Variants in BCL2L1 observed in about 807,000 individuals in gnomAD.
The protein encoded by BCL2L1 is BCL2 like 1.
Under a neutral mutation model 18.7 loss-of-function variants are expected in BCL2L1, and 1 was observed. That is an observed-to-expected ratio of 0.05 (90% confidence interval 0.02 to 0.25). The LOEUF (loss-of-function observed/expected upper bound fraction) is 0.25, where lower values mean the gene tolerates loss of function less well. BCL2L1 is among the 10% of genes least tolerant of loss of function. BCL2L1 has a pLI of 1.00. For synonymous variants in BCL2L1, 103 were observed against 122.7 expected (o/e 0.84, Z 1.06); for missense variants, 207 against 304.9 (o/e 0.68, Z 2.39).
chr20:31,676,508 C>T (rs991734408), intron 2 of BCL2L1, among the ~76,000 whole-genome samples: 2 of 152,052 alleles, frequency 1.3e-5, no homozygotes, highest in African/African-American at 4.8e-5. Flanking sequence ...CGATGCCTCC[C>T]GTCATCTCAA....
At position 31,713,226 on chromosome 20, in the gene BCL2L1, C is replaced by T. The variant is rs1313362696; in HGVS notation, c.564+8429G>A. ...CTAACTGACCTCCCTCACAGCCTAG[C>T]CTAGGGTAGGGGGTAATGGCCTGGC... On this transcript the variant is annotated intron_variant, in intron 2 of 2. Transcript: ENST00000307677. 3 of 968,032 alleles carry T rather than the reference C, an allele frequency of 3.1e-6. No homozygotes were observed. The African/African-American group carries it at 5.3e-5, about 17-fold the overall frequency. 60.0% of individuals were successfully genotyped at this position (968,032 alleles called of 1,614,324 possible).
chr20:31,667,633 A>G (rs900612644), intron 2 of BCL2L1, among the ~76,000 whole-genome samples: 4 of 151,740 alleles, frequency 2.6e-5, no homozygotes, highest in Admixed American at 1.3e-4. Context: ...CAGGCATGCC[A>G]TCTCCAGTTG....
intron 2 of BCL2L1, among the ~76,000 whole-genome samples, chr20:31,702,982 T>C (rs1006395424): frequency 6.6e-5 from 10 of 151,284 alleles, no homozygotes; most frequent in Non-Finnish European, 1.5e-4. Flanking sequence ...TTATTCTAAC[T>C]ACAGTGGAAG....
chr20:31,718,227 G>T (rs2061569226), intron 2 of BCL2L1, among the ~76,000 whole-genome samples: 1 of 152,178 alleles, frequency 6.6e-6, no homozygotes, highest in Non-Finnish European at 1.5e-5. Flanking sequence ...GCAGTAATCT[G>T]GCTAAGGGTC....
intron 2 of BCL2L1, among the ~76,000 whole-genome samples, chr20:31,714,038 A>G (rs1019068233): frequency 1.2e-4 from 18 of 152,250 alleles, no homozygotes; most frequent in African/African-American, 4.1e-4. Flanking sequence ...AAGGTGTTAC[A>G]TAAATATAGG....
intron 2 of BCL2L1, among the ~76,000 whole-genome samples, chr20:31,702,373 C>A (rs965818755): frequency 5.9e-5 from 9 of 152,154 alleles, no homozygotes; most frequent in African/African-American, 2.2e-4. Context: ...TGGATCACAC[C>A]TGTAATCCCA....
chr20:31,715,359 C>T (rs2061516961), intron 2 of BCL2L1, among the ~76,000 whole-genome samples: 1 of 152,086 alleles, frequency 6.6e-6, no homozygotes, highest in Non-Finnish European at 1.5e-5. Context: ...CTGGCCCCCA[C>T]CTACTTCTCC....
In BCL2L1 at chr20:31,711,185, T is replaced by C. The variant is rs562531625; in HGVS notation, c.564+10470A>G. ...ACTACTCAACCCATAGTATCTGTTA[T>C]TATTACCAAAAAACACACTTACATT... On this transcript the variant is annotated intron_variant, in intron 2 of 2. Transcript: ENST00000307677. 2.6e-5 allele frequency among the ~76,000 whole-genome samples: 4 copies of C among 152,344 alleles called. No individual in the cohort carries two copies. The South Asian group carries it at 8.3e-4, about 32-fold the overall frequency.
intron 2 of BCL2L1, among the ~76,000 whole-genome samples, chr20:31,677,085 C>T (rs142388949): frequency 1.2e-3 from 178 of 152,156 alleles, no homozygotes; most frequent in Admixed American, 3.3e-3. Flanking sequence ...TGCCAGAGCA[C>T]AGAGCAGGCA....
At chr20:31,669,881 TATCCCATTTC>T (rs2060641143) in intron 2 of BCL2L1, among the ~76,000 whole-genome samples, 1 of 152,224 alleles carries the variant, frequency 6.6e-6, no homozygotes, top group Admixed American at 6.5e-5. Flanking sequence ...CAGGCATTGG[TATCCCATTTC>T]ATCTTCATCA....
chr20:31,669,193 C>T (rs1314597418), intron 2 of BCL2L1, among the ~76,000 whole-genome samples: 3 of 151,960 alleles, frequency 2.0e-5, no homozygotes, highest in African/African-American at 7.2e-5. Context: ...GTAGCTGCCA[C>T]ACTACAGGCA....
At chr20:31,676,270 G>T (rs888249859) in intron 2 of BCL2L1, among the ~76,000 whole-genome samples, 13 of 152,160 alleles carry the variant, frequency 8.5e-5, no homozygotes, top group Admixed American at 3.9e-4. Context: ...CGTGTGTAAA[G>T]AATTTGCTTA....
chr20:31,678,634 G>A (rs76719402), intron 2 of BCL2L1, among the ~76,000 whole-genome samples: 1 of 152,298 alleles, frequency 6.6e-6, no homozygotes, highest in East Asian at 1.9e-4. Flanking sequence ...AGCCCGCTGG[G>A]CATTGCTCTG....
intron 2 of BCL2L1, among the ~76,000 whole-genome samples, chr20:31,668,601 G>GC (rs908401126): frequency 1.4e-5 from 2 of 141,960 alleles, no homozygotes; most frequent in African/African-American, 5.3e-5. Flanking sequence ...ACCATATCTG[G>GC]CCTTTTTTTT....
intron 2 of BCL2L1, among the ~76,000 whole-genome samples, chr20:31,693,942 TA>T (rs1160377113): frequency 6.6e-6 from 1 of 152,048 alleles, no homozygotes; most frequent in Non-Finnish European, 1.5e-5. Context: ...GTATTTATGA[TA>T]AATTTCTTTA....
intron 2 of BCL2L1, among the ~76,000 whole-genome samples, chr20:31,718,642 C>T (rs6087770): frequency 0.083 from 12,163 of 146,022 alleles, 650 homozygotes; most frequent in Middle Eastern, 0.16. Context: ...GCAACAAGAG[C>T]GAGACTCCGT....
chr20:31,669,962 G>C (rs1400446078), intron 2 of BCL2L1, among the ~76,000 whole-genome samples: 1 of 152,172 alleles, frequency 6.6e-6, no homozygotes, highest in Admixed American at 6.6e-5. Context: ...ATTTAAAGCA[G>C]GGAACACTCA....
chr20:31,700,536 A>C (rs1377501333), intron 2 of BCL2L1, among the ~76,000 whole-genome samples: 3 of 152,122 alleles, frequency 2.0e-5, no homozygotes, highest in Non-Finnish European at 4.4e-5. Context: ...ACCCCTCCAC[A>C]TATGCCTAAA....
chr20:31,685,316 C>T (rs759472944), intron 2 of BCL2L1, among the ~76,000 whole-genome samples: 17 of 151,322 alleles, frequency 1.1e-4, no homozygotes, highest in South Asian at 8.3e-4. Flanking sequence ...AGGAGAATGG[C>T]GTGAACCCAG....
Sources: gnomAD v4.1 joint callset for allele counts (sites outside exome capture counted in the v4.1 genomes callset) on GRCh38, gnomAD v4.1.1 for gene constraint, MANE v1.5 for transcripts, NCBI Gene and HGNC (gene_info 2026-07-23, HGNC 2026-07-21) for gene names.